KIF1A: variants seen among roughly 807,000 people sequenced by gnomAD.
The protein encoded by KIF1A is kinesin family member 1A.
A neutral mutation model predicts 227.3 loss-of-function variants in KIF1A; 46 were observed. That is an observed-to-expected ratio of 0.20 (90% CI 0.16 to 0.26). The LOEUF is 0.26. Ranked by LOEUF, KIF1A falls within the 10% of genes least tolerant of loss-of-function variation. The pLI is 1.00. For synonymous variants in KIF1A, 1,022 were observed against 1,012.8 expected (o/e 1.01, Z -0.17); for missense variants, 1,683 against 2,485.9 (o/e 0.68, Z 6.87).
At chr2:240,733,495 C>G (rs570421608) in intron 38 of KIF1A, among the ~76,000 whole-genome samples, 1 of 152,172 alleles carries the variant, frequency 6.6e-6, no homozygotes, top group South Asian at 2.1e-4. Flanking sequence ...AGGGCTGGTG[C>G]GGCAGCCTTC....
At chr2:240,723,770 G>GCCCT (rs923270890) in intron 41 of KIF1A, among the ~76,000 whole-genome samples, 3 of 152,202 alleles carry the variant, frequency 2.0e-5, no homozygotes, top group African/African-American at 7.2e-5. Flanking sequence ...TCTCGGCTGT[G>GCCCT]CCCTGGGAAC....
rs573169918 is a variant in KIF1A, at chr2:240,778,732, C to T, written c.883-2806G>A. The stretch of plus-strand genomic sequence containing the variant: ...AGCTCCTCACACTCCCCGACAACCC[C>T]TCGCACACGTCTCTGCAGCTTTCCT... On this transcript the variant is annotated intron_variant, in intron 10 of 48. Coordinates refer to ENST00000498729, the MANE Select transcript of KIF1A (RefSeq NM_001244008.2). The surrounding 1 kb of genome is among the most constrained non-coding windows in gnomAD (Gnocchi z 7.2). 3.0e-4 allele frequency among the ~76,000 whole-genome samples: 46 copies of T among 152,040 alleles called. No homozygotes were observed. Among genetic ancestry groups the T allele is most frequent in the African/African-American group, 1.0e-3 (43 of 41,452 alleles).
At position 240,775,975 on chromosome 2, in the gene KIF1A, A is replaced by C. The variant is rs755244915; in HGVS notation, c.883-49T>G. 2 of 1,298,198 alleles carry C rather than the reference A, an allele frequency of 1.5e-6. No homozygotes were observed. The highest frequency in any genetic ancestry group is 2.9e-5 in the African/African-American group (2 of 68,810). 80.4% of individuals were successfully genotyped at this position (1,298,198 alleles called of 1,614,324 possible). On this transcript the variant is annotated intron_variant, in intron 10 of 48. Transcript: ENST00000498729. The surrounding 1 kb of genome is among the most constrained non-coding windows in gnomAD (Gnocchi z 5.5). ...TCAAGCCCGAGCCCACTGCAGAGGA[A>C]GCGAAAGGGAGGGGCCAGCGCAGGC...
intron 37 of KIF1A, 27 bp from the exon 38 acceptor site, chr2:240,737,195 T>A: frequency 6.3e-7 from 1 of 1,597,596 alleles, no homozygotes; most frequent in Non-Finnish European, 8.6e-7. Flanking sequence ...GGGCCACAGG[T>A]CACTTCCCAG....
intron 47 of KIF1A, 81 bp downstream of exon 47, chr2:240,718,925 G>T: frequency 8.5e-7 from 1 of 1,180,244 alleles, no homozygotes. Context: ...CTGCTCTGAC[G>T]CAGGGCTGCA....
intron 20 of KIF1A, 136 bp from the exon 21 acceptor site, chr2:240,763,482 T>C: frequency 2.5e-6 from 2 of 813,770 alleles, no homozygotes; most frequent in Non-Finnish European, 3.8e-6. Context: ...CACTCCTTCT[T>C]CAGCCCTCGC....
intron 32 of KIF1A, among the ~76,000 whole-genome samples, chr2:240,744,956 C>T (rs1439239536): frequency 6.6e-6 from 1 of 152,190 alleles, no homozygotes; most frequent in African/African-American, 2.4e-5. Context: ...AGGAGCTGCT[C>T]CGCCTTAAAG....
chr2:240,728,317 C>T (rs1012442215), intron 38 of KIF1A: 29 of 979,194 alleles, frequency 3.0e-5, no homozygotes, highest in South Asian at 2.9e-4. Context: ...AGGCAGACGC[C>T]GAGGAGAAAG....
At chr2:240,750,808 C>T (rs539053665) in intron 27 of KIF1A, among the ~76,000 whole-genome samples, 6 of 152,224 alleles carry the variant, frequency 3.9e-5, no homozygotes, top group South Asian at 2.1e-4. Context: ...CAGCTGGGCC[C>T]GGACCTGGCT....
chr2:240,773,216 T>C lies in KIF1A; in HGVS notation c.1078A>G (p.Ile360Val), dbSNP rs2052254286. ...RAKQIRCNAV[I>V]NEDPNNKLIR... The stretch of plus-strand genomic sequence containing the variant: ...AGCTTGTTGTTGGGGTCCTCATTGA[T>C]GACAGCATTGCAGCGGATCTGCTTG... The change falls in exon 13 of 49, where the codon ATC (isoleucine) becomes GTC (valine). Residue 360 changes from isoleucine to valine, a missense_variant. Physicochemically the swap from Ile to Val is conservative, Grantham distance 29. Transcript: ENST00000498729. 1.2e-6 allele frequency: 2 copies of C among 1,613,984 alleles called. No homozygotes were observed. Among genetic ancestry groups the C allele is most frequent in the Non-Finnish European group, 8.5e-7 (1 of 1,179,856 alleles).
intron 37 of KIF1A, chr2:240,737,370 G>T: frequency 3.9e-6 from 2 of 506,968 alleles, no homozygotes; most frequent in Non-Finnish European, 7.3e-6. Flanking sequence ...CTGCTCCACG[G>T]TCTTTCTTGT....
rs1390253551 is a variant in KIF1A, at chr2:240,779,977, G to A, written c.882+2613C>T. 5.3e-5 allele frequency among the ~76,000 whole-genome samples: 8 copies of A among 151,822 alleles called. No individual in the cohort carries two copies. The East Asian group carries it at 1.2e-3, about 22-fold the overall frequency. On this transcript the variant is annotated intron_variant, in intron 10 of 48. Coordinates refer to ENST00000498729, the MANE Select transcript of KIF1A (RefSeq NM_001244008.2). The stretch of plus-strand genomic sequence containing the variant: ...ATTCCACACAGGTCCACACAGCCCC[G>A]TTGCACCCACTTTCACAGTTTCACA...
chr2:240,809,021 C>G (rs533945042), intron 1 of KIF1A, among the ~76,000 whole-genome samples: 1 of 152,192 alleles, frequency 6.6e-6, no homozygotes, highest in South Asian at 2.1e-4. Context: ...TAAGCCACCA[C>G]GCCCAGCCGT....
At chr2:240,817,093 C>T (rs1026793284) in intron 1 of KIF1A, among the ~76,000 whole-genome samples, 4 of 152,244 alleles carry the variant, frequency 2.6e-5, no homozygotes, top group African/African-American at 4.8e-5. Flanking sequence ...TGCCAAAGGA[C>T]TGGGATGCAA....
intron 2 of KIF1A, among the ~76,000 whole-genome samples, chr2:240,796,939 T>A (rs548250450): frequency 1.3e-5 from 2 of 152,136 alleles, no homozygotes; most frequent in East Asian, 3.9e-4. Flanking sequence ...GATGAGGGCA[T>A]GTCGGATGGG....
At chr2:240,721,348 C>T (rs1347870395) in intron 44 of KIF1A, among the ~76,000 whole-genome samples, 8 of 152,234 alleles carry the variant, frequency 5.3e-5, no homozygotes, top group Non-Finnish European at 1.2e-4. Context: ...CGTGAGGTGG[C>T]GCTGGGTGAT....
At chr2:240,763,386 T>A in intron 20 of KIF1A, 40 bp from the exon 21 acceptor site, 1 of 1,523,428 alleles carries the variant, frequency 6.6e-7, no homozygotes, top group Non-Finnish European at 8.9e-7. Context: ...GGGATGGGGA[T>A]CTTCAGGTCC....
intron 29 of KIF1A, among the ~76,000 whole-genome samples, chr2:240,746,404 C>T (rs577830619): frequency 2.6e-5 from 4 of 152,304 alleles, no homozygotes; most frequent in Middle Eastern, 3.4e-3. Context: ...CAGCCTATGG[C>T]CATGGGAGTT....
rs951720082 is a variant in KIF1A at position 240,820,075 on chromosome 2, G to T, written c.-61+47C>A. On this transcript the variant is annotated intron_variant, in intron 1 of 48. Transcript: ENST00000498729. The surrounding 1 kb of genome is among the most constrained non-coding windows in gnomAD (Gnocchi z 6.2). The stretch of plus-strand genomic sequence containing the variant: ...GGCGCGGGCTGCCGGGCGCAGGTGC[G>T]GGGCGAGGGGCGCGGGCGCGGGAGG... The T allele has an allele frequency of 2.6e-5, 4 of 151,324 alleles. No homozygotes were observed. The highest frequency in any genetic ancestry group is 7.3e-5 in the African/African-American group (3 of 41,174). The allele number at this position is 151,324 out of a possible 1,614,324, so 9.4% of individuals were successfully genotyped here.
Sources: gnomAD v4.1 joint callset for allele counts (sites outside exome capture counted in the v4.1 genomes callset) on GRCh38, gnomAD v4.1.1 for gene constraint, Gnocchi (gnomAD v3.1) non-coding constraint, MANE v1.5 for transcripts, NCBI Gene and HGNC (gene_info 2026-07-23, HGNC 2026-07-21) for gene names.